Variants in GBE1 observed in about 807,000 individuals in gnomAD.
GBE1 encodes 1,4-alpha-glucan branching enzyme 1.
In GBE1, 70 loss-of-function variants were observed where a neutral mutation model predicts 88.8. The observed-to-expected ratio is 0.79, with a 90% CI of 0.65 to 0.96. The LOEUF (loss-of-function observed/expected upper bound fraction) is 0.96. GBE1 is among the 40% of genes least tolerant of loss of function. GBE1 has a pLI of 0.00. For synonymous variants in GBE1, 284 were observed against 300.1 expected, an observed-to-expected ratio of 0.95 and a Z score of 0.56; for missense variants, 872 against 871.0, an observed-to-expected ratio of 1.00 and a Z score of -0.01.
intron 12 of GBE1, among the ~76,000 whole-genome samples, chr3:81,575,049 C>G (rs1296716459): frequency 6.6e-6 from 1 of 151,446 alleles, no homozygotes; most frequent in Admixed American, 6.6e-5. Flanking sequence ...CCTGTAGTCC[C>G]AGTTACTTGG....
chr3:81,711,790 C>A (rs1338239688), intron 1 of GBE1, among the ~76,000 whole-genome samples: 1 of 152,106 alleles, frequency 6.6e-6, no homozygotes, highest in Admixed American at 6.6e-5. Context: ...GCAACAGAAG[C>A]CGAAATCGAC....
At chr3:81,595,020 T>C (rs1305652608) in intron 7 of GBE1, among the ~76,000 whole-genome samples, 1 of 151,656 alleles carries the variant, frequency 6.6e-6, no homozygotes, top group Non-Finnish European at 1.5e-5. Context: ...GATTAAGTCA[T>C]CAAAATTAAC....
At chr3:81,562,162 G>C (rs1254077597) in intron 12 of GBE1, among the ~76,000 whole-genome samples, 3 of 151,998 alleles carry the variant, frequency 2.0e-5, no homozygotes, top group Non-Finnish European at 4.4e-5. Flanking sequence ...CTCAGCAGTA[G>C]GTGCCAAATT....
intron 1 of GBE1, among the ~76,000 whole-genome samples, chr3:81,707,769 G>A (rs966467420): frequency 6.6e-6 from 1 of 151,914 alleles, no homozygotes; most frequent in Non-Finnish European, 1.5e-5. Context: ...ATTTGTATAC[G>A]AATTCCAATA....
At chr3:81,752,188 C>T (rs1382375602) in intron 1 of GBE1, among the ~76,000 whole-genome samples, 1 of 151,786 alleles carries the variant, frequency 6.6e-6, no homozygotes, top group African/African-American at 2.4e-5. Context: ...CATCAAATAT[C>T]AAAAAGCAAG....
chr3:81,730,220 A>G (rs982383754), intron 1 of GBE1, among the ~76,000 whole-genome samples: 1 of 152,142 alleles, frequency 6.6e-6, no homozygotes, highest in Non-Finnish European at 1.5e-5. Flanking sequence ...ATAAAATGGT[A>G]GAAGAGTCTG....
intron 7 of GBE1, chr3:81,642,576 T>C: frequency 4.1e-6 from 2 of 488,158 alleles, no homozygotes; most frequent in South Asian, 5.8e-5. Flanking sequence ...TGGCGTAAGA[T>C]ATGTAAAATT....
chr3:81,663,495 C>T (rs1441210703), intron 3 of GBE1, among the ~76,000 whole-genome samples: 2 of 152,144 alleles, frequency 1.3e-5, no homozygotes, highest in African/African-American at 4.8e-5. Context: ...AGGGGAAAAC[C>T]ACCTCCCTAC....
At chr3:81,561,777 G>A (rs959863935) in intron 12 of GBE1, among the ~76,000 whole-genome samples, 2 of 151,980 alleles carry the variant, frequency 1.3e-5, no homozygotes, top group Non-Finnish European at 2.9e-5. Flanking sequence ...CTGCTTCTAG[G>A]TTCAGCCTTC....
At chr3:81,572,048 T>C (rs1576154094) in intron 12 of GBE1, among the ~76,000 whole-genome samples, 2 of 152,226 alleles carry the variant, frequency 1.3e-5, no homozygotes, top group East Asian at 1.9e-4. Context: ...AACAGAATCA[T>C]GGGGGCAGTT....
chr3:81,635,165 T>C (rs1704574689), intron 7 of GBE1, among the ~76,000 whole-genome samples: 2 of 152,244 alleles, frequency 1.3e-5, no homozygotes, highest in African/African-American at 4.8e-5. Context: ...GCTATACAGG[T>C]AAAAGTCTAA....
intron 12 of GBE1, among the ~76,000 whole-genome samples, chr3:81,564,467 A>G (rs1039479832): frequency 6.6e-6 from 1 of 152,140 alleles, no homozygotes; most frequent in African/African-American, 2.4e-5. Flanking sequence ...CTATCCTAAG[A>G]CCAAGACTGA....
At chr3:81,644,637 A>C (rs1704740110) in intron 6 of GBE1, among the ~76,000 whole-genome samples, 1 of 152,214 alleles carries the variant, frequency 6.6e-6, no homozygotes, top group Non-Finnish European at 1.5e-5. Context: ...CAAAAGAGCG[A>C]CATGATCTGA....
intron 15 of GBE1, among the ~76,000 whole-genome samples, chr3:81,496,765 G>A (rs1031443200): frequency 5.9e-5 from 9 of 152,098 alleles, no homozygotes; most frequent in East Asian, 1.9e-4. Flanking sequence ...AAGAAAACCC[G>A]TTTGTCTAGA....
intron 7 of GBE1, among the ~76,000 whole-genome samples, chr3:81,620,275 C>T (rs934347520): frequency 6.6e-5 from 10 of 151,750 alleles, no homozygotes; most frequent in South Asian, 2.1e-4. Context: ...CTCCACCTCC[C>T]GGGTTCAAGT....
At chr3:81,561,325 T>C (rs1429035216) in intron 12 of GBE1, among the ~76,000 whole-genome samples, 1 of 152,016 alleles carries the variant, frequency 6.6e-6, no homozygotes, top group Non-Finnish European at 1.5e-5. Context: ...CAGTGTTTGA[T>C]TACCTAAAAT....
At chr3:81,727,152 G>C (rs1320454596) in intron 1 of GBE1, among the ~76,000 whole-genome samples, 1 of 152,150 alleles carries the variant, frequency 6.6e-6, no homozygotes, top group Non-Finnish European at 1.5e-5. Context: ...ATAAAAATAT[G>C]AAAATGCAAA....
At chr3:81,550,956 T>C (rs1282897758) in intron 12 of GBE1, among the ~76,000 whole-genome samples, 1 of 152,204 alleles carries the variant, frequency 6.6e-6, no homozygotes, top group Non-Finnish European at 1.5e-5. Context: ...ATGGACTTTC[T>C]CTGAATTCTT....
intron 14 of GBE1, among the ~76,000 whole-genome samples, chr3:81,530,119 C>T (rs1400956739): frequency 6.6e-6 from 1 of 151,900 alleles, no homozygotes; most frequent in Admixed American, 6.6e-5. Flanking sequence ...CTGATGCATT[C>T]TTCAGTTTGT....
Sources: allele counts gnomAD v4.1 joint callset (sites outside exome capture counted in the v4.1 genomes callset), GRCh38; gene constraint gnomAD v4.1.1; transcripts MANE v1.5; gene names NCBI Gene and HGNC (gene_info 2026-07-23, HGNC 2026-07-21).